Variants in FOXP1 observed in about 807,000 individuals in gnomAD.
FOXP1 encodes the protein forkhead box protein P1.
FOXP1 carries 15 observed loss-of-function variants against 98.2 expected under a neutral mutation model. The observed-to-expected ratio is 0.15, with a 90% CI of 0.10 to 0.24. The LOEUF is 0.24. Ranked by LOEUF, FOXP1 falls within the 10% of genes least tolerant of loss-of-function variation. The pLI, the probability that FOXP1 is intolerant of heterozygous loss-of-function variation, is 1.00. For missense variants in FOXP1, 633 were observed against 848.5 expected, an observed-to-expected ratio of 0.75 and a Z score of 3.15; for synonymous variants, 371 against 314.5, an observed-to-expected ratio of 1.18 and a Z score of -1.90.
At chr3:71,283,037 A>C (rs916097849) in intron 5 of FOXP1, among the ~76,000 whole-genome samples, 6 of 152,186 alleles carry the variant, frequency 3.9e-5, no homozygotes, top group African/African-American at 9.6e-5. Flanking sequence ...ACTCTCAGGA[A>C]TGGGAAGAAC....
intron 11 of FOXP1, among the ~76,000 whole-genome samples, chr3:71,022,603 CT>C (rs2045590507): frequency 6.6e-6 from 1 of 152,128 alleles, no homozygotes; most frequent in South Asian, 2.1e-4. Context: ...GTAACTGTTC[CT>C]TTTACTGAGG....
chr3:71,447,440 C>A (rs1178108018), intron 3 of FOXP1, among the ~76,000 whole-genome samples: 1 of 152,184 alleles, frequency 6.6e-6, no homozygotes, highest in African/African-American at 2.4e-5. Flanking sequence ...GGAGTCAGAT[C>A]TGAAAGGGCA....
Position 71,087,653 on chromosome 3 carries a change from A to T in FOXP1, c.282+24883T>A, listed in dbSNP as rs543259429. On this transcript the variant is annotated intron_variant, in intron 7 of 20. Transcript: ENST00000649528. ...AAAATTTACTGATTCAAGTTCAGAA[A>T]AACCCTGCTTTGCTGTTTTTATAAC... Among the ~76,000 whole-genome samples the T allele has an allele frequency of 2.0e-5, 3 of 152,352 alleles. No individual in the cohort carries two copies. In the East Asian group the frequency reaches 5.8e-4, roughly 29 times the overall value.
chr3:71,048,746 AAAC>A (rs763696737), intron 9 of FOXP1, among the ~76,000 whole-genome samples: 5 of 151,848 alleles, frequency 3.3e-5, no homozygotes, highest in Non-Finnish European at 7.4e-5. Flanking sequence ...GAAGAGAAAA[AAAC>A]AACATTGACA....
At chr3:71,172,001 T>A (rs1377651772) in intron 6 of FOXP1, among the ~76,000 whole-genome samples, 1 of 152,178 alleles carries the variant, frequency 6.6e-6, no homozygotes, top group African/African-American at 2.4e-5. Flanking sequence ...CACCTAATAA[T>A]CTCATTAACA....
intron 5 of FOXP1, among the ~76,000 whole-genome samples, chr3:71,290,695 C>G (rs755031868): frequency 5.3e-5 from 8 of 152,166 alleles, no homozygotes; most frequent in Non-Finnish European, 7.3e-5. Flanking sequence ...TCTCTTACTA[C>G]AACTTGAGTA....
intron 3 of FOXP1, among the ~76,000 whole-genome samples, chr3:71,477,711 T>C (rs895648122): frequency 1.3e-5 from 2 of 152,098 alleles, no homozygotes; most frequent in African/African-American, 4.8e-5. Context: ...ACCTACAAAA[T>C]ACACACAAGC....
chr3:71,345,369 CAGAG>C (rs769367569), intron 4 of FOXP1, among the ~76,000 whole-genome samples: 8 of 150,158 alleles, frequency 5.3e-5, no homozygotes, highest in Non-Finnish European at 7.4e-5. Context: ...GCCTCAGTGA[CAGAG>C]AGAGAATCTG....
intron 6 of FOXP1, among the ~76,000 whole-genome samples, chr3:71,126,537 T>C (rs1307531763): frequency 6.6e-6 from 1 of 151,414 alleles, no homozygotes; most frequent in Non-Finnish European, 1.5e-5. Context: ...AAAGAAATTT[T>C]CTTGGGCCAA....
intron 5 of FOXP1, among the ~76,000 whole-genome samples, chr3:71,271,562 G>A (rs1310591341): frequency 1.3e-5 from 2 of 152,124 alleles, no homozygotes; most frequent in Non-Finnish European, 2.9e-5. Context: ...GGCCAAAAAA[G>A]TACTGTTTAT....
chr3:71,338,895 G>A (rs762856871), intron 4 of FOXP1, among the ~76,000 whole-genome samples: 5 of 152,156 alleles, frequency 3.3e-5, no homozygotes, highest in Non-Finnish European at 7.3e-5. Flanking sequence ...GGTACCACAC[G>A]CTAAGAAACA....
chr3:71,022,274 C>A (rs1384280732), intron 11 of FOXP1, among the ~76,000 whole-genome samples: 1 of 152,036 alleles, frequency 6.6e-6, no homozygotes, highest in Non-Finnish European at 1.5e-5. Context: ...TAAATGTAAG[C>A]GTTGGCATTT....
At chr3:71,540,602 TG>T (rs2044724023) in intron 2 of FOXP1, among the ~76,000 whole-genome samples, 1 of 152,226 alleles carries the variant, frequency 6.6e-6, no homozygotes, top group African/African-American at 2.4e-5. Flanking sequence ...ATTAACTTCT[TG>T]GGACAACCTT....
At chr3:71,163,935 A>C (rs1184152303) in intron 6 of FOXP1, among the ~76,000 whole-genome samples, 1 of 152,150 alleles carries the variant, frequency 6.6e-6, no homozygotes, top group African/African-American at 2.4e-5. Flanking sequence ...AGTGTGGAGA[A>C]AGGGCTTGCT....
At position 71,108,531 on chromosome 3, in the gene FOXP1, C is replaced by T. The variant is rs545478309; in HGVS notation, c.282+4005G>A. Among the ~76,000 whole-genome samples, 12 of 152,222 alleles carry T rather than the reference C, an allele frequency of 7.9e-5. No homozygotes were observed. In the South Asian group the frequency reaches 1.7e-3, roughly 21 times the overall value. ...CTGTAATCCTAACACTTTGGGAGGT[C>T]GAGGCAGGTGGATCACCTGAGGTCA... On this transcript the variant is annotated intron_variant, in intron 7 of 20. Transcript: ENST00000649528.
At chr3:71,277,726 C>T (rs1035923750) in intron 5 of FOXP1, among the ~76,000 whole-genome samples, 2 of 151,962 alleles carry the variant, frequency 1.3e-5, no homozygotes, top group African/African-American at 4.8e-5. Flanking sequence ...ACATGTCTGA[C>T]TCCTTTTCAT....
intron 6 of FOXP1, among the ~76,000 whole-genome samples, chr3:71,125,593 T>A (rs865900386): frequency 1.1e-4 from 17 of 152,228 alleles, no homozygotes; most frequent in African/African-American, 4.1e-4. Flanking sequence ...GAAAAAAACT[T>A]TGGTCATCTG....
intron 6 of FOXP1, among the ~76,000 whole-genome samples, chr3:71,152,662 T>A (rs1243129326): frequency 6.6e-6 from 1 of 152,094 alleles, no homozygotes; most frequent in Non-Finnish European, 1.5e-5. Flanking sequence ...GTAACCTGAC[T>A]CTCTGAGGCT....
intron 6 of FOXP1, among the ~76,000 whole-genome samples, chr3:71,156,723 G>C (rs113101648): frequency 2.0e-5 from 3 of 152,218 alleles, no homozygotes; most frequent in African/African-American, 7.2e-5. Flanking sequence ...CTTGATTTTA[G>C]TGCCCAAAGG....
Sources: gnomAD v4.1 joint callset for allele counts (sites outside exome capture counted in the v4.1 genomes callset) on GRCh38, gnomAD v4.1.1 for gene constraint, MANE v1.5 for transcripts, NCBI Gene and HGNC (gene_info 2026-07-23, HGNC 2026-07-21) for gene names.